MOB3B: variants seen among roughly 807,000 people sequenced by gnomAD.
MOB3B encodes MOB kinase activator 3B, also known as MOB kinase activator-like 2B.
In MOB3B, 7 loss-of-function variants were observed where a neutral mutation model predicts 18.7. That is an observed-to-expected ratio of 0.37 (90% CI 0.21 to 0.70). The LOEUF (loss-of-function observed/expected upper bound fraction) is 0.70. Among genes scored for constraint, MOB3B ranks in the 30% least tolerant of loss-of-function variants. The pLI is 0.52. For synonymous variants in MOB3B, 111 were observed against 99.9 expected (o/e 1.11, Z -0.66); for missense variants, 253 against 281.3 (o/e 0.90, Z 0.72).
At chr9:27,504,798 A>G (rs1270131370) in intron 1 of MOB3B, among the ~76,000 whole-genome samples, 1 of 152,204 alleles carries the variant, frequency 6.6e-6, no homozygotes, top group East Asian at 1.9e-4. Flanking sequence ...AAACATCATA[A>G]GGTGATTTTA....
chr9:27,334,618 C>CT (rs1414847350), intron 3 of MOB3B, among the ~76,000 whole-genome samples: 1 of 152,152 alleles, frequency 6.6e-6, no homozygotes, highest in African/African-American at 2.4e-5. Context: ...TCCGTGAACT[C>CT]TAAGTGTCAA....
At chr9:27,422,539 G>T (rs1229292037) in intron 2 of MOB3B, among the ~76,000 whole-genome samples, 2 of 152,210 alleles carry the variant, frequency 1.3e-5, no homozygotes, top group Non-Finnish European at 2.9e-5. Flanking sequence ...CAAGATAGCT[G>T]AAGACAGATT....
intron 3 of MOB3B, among the ~76,000 whole-genome samples, chr9:27,330,818 A>G (rs1820776889): frequency 1.3e-5 from 2 of 151,968 alleles, no homozygotes; most frequent in African/African-American, 2.4e-5. Context: ...GGCACTGTTT[A>G]AAAATTTGAC....
intron 2 of MOB3B, among the ~76,000 whole-genome samples, chr9:27,405,093 CTTTTTTTTTTTTTTT>C (rs74178386): frequency 6.2e-5 from 3 of 48,370 alleles, no homozygotes; most frequent in East Asian, 6.8e-4. Context: ...GAACCTTTGT[CTTTTTTTTTTTTTTT>C]TTTTTTTTTT....
chr9:27,489,997 G>T (rs112608163), intron 1 of MOB3B, among the ~76,000 whole-genome samples: 5 of 152,140 alleles, frequency 3.3e-5, no homozygotes, highest in African/African-American at 1.2e-4. Context: ...GTTCAAAAGA[G>T]CCAATGTGCC....
At chr9:27,406,205 T>A (rs969987277) in intron 2 of MOB3B, among the ~76,000 whole-genome samples, 9 of 152,158 alleles carry the variant, frequency 5.9e-5, no homozygotes, top group African/African-American at 2.2e-4. Context: ...CTATTAGAAT[T>A]GATGAAGAAA....
chr9:27,344,104 AG>A (rs1820997227), intron 3 of MOB3B, among the ~76,000 whole-genome samples: 1 of 145,974 alleles, frequency 6.9e-6, no homozygotes, highest in Non-Finnish European at 1.5e-5. Flanking sequence ...AAATTTAGAA[AG>A]GAAAAAAAAA....
intron 2 of MOB3B, among the ~76,000 whole-genome samples, chr9:27,452,233 C>T (rs1260255420): frequency 6.7e-6 from 1 of 149,772 alleles, no homozygotes; most frequent in African/African-American, 2.5e-5. Flanking sequence ...TCCATCCATC[C>T]AATAACTTGA....
intron 1 of MOB3B, among the ~76,000 whole-genome samples, chr9:27,485,353 G>C (rs751160065): frequency 2.0e-5 from 3 of 152,208 alleles, no homozygotes; most frequent in Non-Finnish European, 4.4e-5. Flanking sequence ...TAGGTGACTT[G>C]CTTGCAGAAC....
At chr9:27,434,690 G>T (rs946632119) in intron 2 of MOB3B, among the ~76,000 whole-genome samples, 3 of 152,156 alleles carry the variant, frequency 2.0e-5, no homozygotes, top group Middle Eastern at 6.8e-3. Flanking sequence ...GCTCAAGCCG[G>T]AAATTTAGGG....
At chr9:27,425,180 A>G (rs1342334518) in intron 2 of MOB3B, among the ~76,000 whole-genome samples, 1 of 152,098 alleles carries the variant, frequency 6.6e-6, no homozygotes, top group African/African-American at 2.4e-5. Flanking sequence ...GTTCAAGACC[A>G]GCCTGACCAA....
chr9:27,390,227 A>G (rs1044749295), intron 2 of MOB3B, among the ~76,000 whole-genome samples: 1 of 152,028 alleles, frequency 6.6e-6, no homozygotes, highest in Non-Finnish European at 1.5e-5. Context: ...AGCTGAGATC[A>G]CAGGTGTATG....
chr9:27,456,041 G>T (rs1034182896), intron 1 of MOB3B, among the ~76,000 whole-genome samples: 5 of 152,284 alleles, frequency 3.3e-5, no homozygotes, highest in Admixed American at 2.0e-4. Flanking sequence ...TGTTAAGGAT[G>T]AACATGTTGA....
intron 2 of MOB3B, among the ~76,000 whole-genome samples, chr9:27,381,957 T>C (rs932001151): frequency 1.3e-5 from 2 of 152,130 alleles, no homozygotes; most frequent in African/African-American, 4.8e-5. Flanking sequence ...TAACATTAAA[T>C]TGATGAGGGG....
chr9:27,522,268 A>AAAAAAAAAAAAAAAAAAAAAAAAAAAAAT (rs1563889769), intron 1 of MOB3B, among the ~76,000 whole-genome samples: 2 of 130,812 alleles, frequency 1.5e-5, no homozygotes, highest in African/African-American at 2.8e-5. Context: ...AAAAAAAAAG[A>AAAAAAAAAAAAAAAAAAAAAAAAAAAAAT]AAAGAAAGAA....
At chr9:27,484,983 A>T (rs1337625782) in intron 1 of MOB3B, among the ~76,000 whole-genome samples, 1 of 152,106 alleles carries the variant, frequency 6.6e-6, no homozygotes, top group Non-Finnish European at 1.5e-5. Flanking sequence ...ACAACACATG[A>T]ACCACCCCGG....
At chr9:27,357,381 C>T (rs553206174) in intron 3 of MOB3B, among the ~76,000 whole-genome samples, 46 of 151,566 alleles carry the variant, frequency 3.0e-4, no homozygotes, top group South Asian at 1.0e-3. Context: ...AAACAATTTG[C>T]GCTCAAGCTG....
chr9:27,524,452 G>C, intron 1 of MOB3B: 1 of 1,614,074 alleles, frequency 6.2e-7, no homozygotes. Context: ...CACCTGAGAA[G>C]AGTCACCTGG....
Position 27,423,555 on chromosome 9 carries a change from GA to G in MOB3B, c.418+31577del, listed in dbSNP as rs933946050. ...ATTTAGTGTGGAGCATTTAAAGAGG[GA>G]AAAAAAATCAATAAAGTTGGATTTA... On this transcript the variant is annotated intron_variant, in intron 2 of 3. Coordinates refer to ENST00000262244, the MANE Select transcript of MOB3B (RefSeq NM_024761.5). 7.9e-5 allele frequency among the ~76,000 whole-genome samples: 12 copies of G among 151,544 alleles called. No homozygotes were observed. The East Asian group carries it at 1.2e-3, about 15-fold the overall frequency.
Sources: allele counts gnomAD v4.1 joint callset (sites outside exome capture counted in the v4.1 genomes callset), GRCh38; gene constraint gnomAD v4.1.1; transcripts MANE v1.5; gene names NCBI Gene and HGNC (gene_info 2026-07-23, HGNC 2026-07-21).